The following KCNQ1 variants were observed in gnomAD, a reference collection of about 807,000 sequenced individuals.
KCNQ1 encodes the protein potassium voltage-gated channel subfamily Q member 1, also known as potassium voltage-gated channel subfamily KQT member 1.
Under a neutral mutation model 72.4 loss-of-function variants are expected in KCNQ1, and 49 were observed. The observed-to-expected ratio is 0.68, with a 90% CI of 0.54 to 0.86. The LOEUF is 0.86. Ranked by LOEUF, KCNQ1 falls within the 40% of genes least tolerant of loss-of-function variation. The pLI is 0.00. For synonymous variants in KCNQ1, 450 were observed against 412.6 expected, an observed-to-expected ratio of 1.09 and a Z score of -1.10; for missense variants, 790 against 945.1, an observed-to-expected ratio of 0.84 and a Z score of 2.15.
intron 1 of KCNQ1, among the ~76,000 whole-genome samples, chr11:2,524,162 GA>G (rs1847452195): frequency 1.3e-5 from 2 of 152,188 alleles, no homozygotes; most frequent in African/African-American, 4.8e-5. Context: ...TGAGTTGGAG[GA>G]AGAGACGGGA....
rs560827642 is a variant in KCNQ1 at position 2,482,403 on chromosome 11, A to G, written c.386+36919A>G. ...TGTTATTGAACGTAATCAACTCTCT[A>G]TTGACGGCTGGGTTATTTCCTAATT... On this transcript the variant is annotated intron_variant, in intron 1 of 15. Transcript: ENST00000155840. The surrounding 1 kb of genome is among the most constrained non-coding windows in gnomAD (Gnocchi z 5.7). 6.6e-6 allele frequency among the ~76,000 whole-genome samples: 1 copy of G among 152,250 alleles called. No homozygotes were observed. The highest frequency in any genetic ancestry group is 2.1e-4 in the South Asian group (1 of 4,824).
chr11:2,743,233 C>A (rs1240790174), intron 11 of KCNQ1, among the ~76,000 whole-genome samples: 2 of 152,014 alleles, frequency 1.3e-5, no homozygotes, highest in Non-Finnish European at 2.9e-5. Flanking sequence ...CCGTACCATG[C>A]GGGGCCCCTC....
rs1850734942 is a variant in KCNQ1 at position 2,699,418 on chromosome 11, G to A, written c.1514+37337G>A. ...CCCTCCCAGAGAGATGGGGAGGGCCGCGCTGAGGAGAGTCTGGGAGAACCG... is the reference window on the plus strand; with the variant it reads ...CCCTCCCAGAGAGATGGGGAGGGCCACGCTGAGGAGAGTCTGGGAGAACCG... On this transcript the variant is annotated intron_variant, in intron 11 of 15. Coordinates refer to ENST00000155840, the MANE Select transcript of KCNQ1 (RefSeq NM_000218.3). 2.0e-5 allele frequency: 8 copies of A among 399,794 alleles called. No individual in the cohort carries two copies. In the East Asian group the frequency reaches 2.5e-4, roughly 12 times the overall value. 24.8% of individuals were successfully genotyped at this position (399,794 alleles called of 1,614,324 possible).
intron 11 of KCNQ1, chr11:2,688,032 GCA>G (rs1850521422): frequency 5.0e-6 from 2 of 398,690 alleles, no homozygotes; most frequent in South Asian, 2.5e-4. Context: ...GCTTGGGCAG[GCA>G]CACACTCCAC....
At chr11:2,838,154 A>C (rs989849061) in intron 15 of KCNQ1, among the ~76,000 whole-genome samples, 5 of 152,220 alleles carry the variant, frequency 3.3e-5, no homozygotes, top group Admixed American at 6.5e-5. Context: ...TGAGAAGCAA[A>C]CACCACCAGT....
In KCNQ1 at chr11:2,563,461, G is replaced by A. The variant is rs1278464103; in HGVS notation, c.478-7167G>A. ...CCCACAACACCGGATACCAGCATGG[G>A]GTCGGCCTGCGGGGCCATGTGTCTC... On this transcript the variant is annotated intron_variant, in intron 2 of 15. Transcript: ENST00000155840. The surrounding 1 kb of genome is among the most constrained non-coding windows in gnomAD (Gnocchi z 7.4). Among the ~76,000 whole-genome samples the A allele has an allele frequency of 6.6e-6, 1 of 152,184 alleles. No homozygotes were observed. The highest frequency in any genetic ancestry group is 1.5e-5 in the Non-Finnish European group (1 of 68,026).
Position 2,670,122 on chromosome 11 carries a change from G to A in KCNQ1, c.1514+8041G>A, listed in dbSNP as rs562192573. ...TCTCATGGCAGTCACAGGTGCCCCA[G>A]TATGCATCTGTCATTTGTTCTTATC... On this transcript the variant is annotated intron_variant, in intron 11 of 15. Transcript: ENST00000155840. This position sits in a 1 kb window ranked among gnomAD's most constrained non-coding sequence, Gnocchi z 4.9. The A allele has an allele frequency of 5.0e-6, 2 of 398,782 alleles. No homozygotes were observed. Among genetic ancestry groups the A allele is most frequent in the South Asian group, 1.3e-4 (1 of 7,862 alleles). The allele number at this position is 398,782 out of a possible 1,614,324, so 24.7% of individuals were successfully genotyped here. A position where few individuals can be genotyped will look rare whatever the true frequency, so the allele number is the denominator to read the frequency against.
At chr11:2,656,356 G>C (rs1849848064) in intron 10 of KCNQ1, 3 of 398,510 alleles carry the variant, frequency 7.5e-6, no homozygotes, top group Non-Finnish European at 1.3e-5. Flanking sequence ...CATTCTTCAA[G>C]CCTTACAGGT....
rs1240614964 is a variant in KCNQ1 at position 2,677,392 on chromosome 11, T to C, written c.1514+15311T>C. ...TAATCAGTTGAAGAGGAAACCAAGA[T>C]CGATGCCTAGATAAGCATTTCAGAG... On this transcript the variant is annotated intron_variant, in intron 11 of 15. Coordinates refer to ENST00000155840, the MANE Select transcript of KCNQ1 (RefSeq NM_000218.3). This position sits in a 1 kb window ranked among gnomAD's most constrained non-coding sequence, Gnocchi z 4.5. 1 of 398,452 alleles carries C rather than the reference T, an allele frequency of 2.5e-6. No individual in the cohort carries two copies. Among genetic ancestry groups the C allele is most frequent in the African/African-American group, 2.1e-5 (1 of 48,616 alleles). The allele number at this position is 398,452 out of a possible 1,614,324, so 24.7% of individuals were successfully genotyped here. A position where few individuals can be genotyped will look rare whatever the true frequency, so the allele number is the denominator to read the frequency against.
At position 2,664,320 on chromosome 11, in the gene KCNQ1, T is replaced by C. The variant is rs1850023558; in HGVS notation, c.1514+2239T>C. Reference sequence around the variant, plus strand: ...GCATTGTGTTCTGGTCAGGGAAGACTCAGGGCTGAGGCTTCAGGGGAGCTG... The same window carrying C: ...GCATTGTGTTCTGGTCAGGGAAGACCCAGGGCTGAGGCTTCAGGGGAGCTG... On this transcript the variant is annotated intron_variant, in intron 11 of 15. Coordinates refer to ENST00000155840, the MANE Select transcript of KCNQ1 (RefSeq NM_000218.3). The surrounding 1 kb of genome is among the most constrained non-coding windows in gnomAD (Gnocchi z 5.1). 2.5e-6 allele frequency: 1 copy of C among 398,824 alleles called. No individual in the cohort carries two copies. The allele number at this position is 398,824 out of a possible 1,614,324, so 24.7% of individuals were successfully genotyped here.
rs535843763 is a variant in KCNQ1, at chr11:2,592,236, C to T, written c.1393+3382C>T. Among the ~76,000 whole-genome samples, 23 of 152,210 alleles carry T rather than the reference C, an allele frequency of 1.5e-4. No homozygotes were observed. The highest frequency in any genetic ancestry group is 3.1e-4 in the African/African-American group (13 of 41,456). On this transcript the variant is annotated intron_variant, in intron 10 of 15. Transcript: ENST00000155840. The surrounding 1 kb of genome is among the most constrained non-coding windows in gnomAD (Gnocchi z 5.2). ...CATTTATAGATGGAGAAACGGAAGGCCAGGGCCATGTGGGGAACTCCTGAG... is the reference window on the plus strand; with the variant it reads ...CATTTATAGATGGAGAAACGGAAGGTCAGGGCCATGTGGGGAACTCCTGAG...
At chr11:2,811,089 C>T (rs1236474676) in intron 15 of KCNQ1, among the ~76,000 whole-genome samples, 4 of 152,202 alleles carry the variant, frequency 2.6e-5, no homozygotes, top group South Asian at 2.1e-4. Context: ...CCCGGGTGGG[C>T]GTGGACCCTA....
At chr11:2,718,524 G>A (rs1851139061) in intron 11 of KCNQ1, among the ~76,000 whole-genome samples, 1 of 152,220 alleles carries the variant, frequency 6.6e-6, no homozygotes, top group East Asian at 1.9e-4. Flanking sequence ...TGGATGCAAG[G>A]CTGACTCGTA....
rs1011077828 is a variant in KCNQ1 at position 2,583,557 on chromosome 11, G to T, written c.1032+12G>T. 6.3e-7 allele frequency: 1 copy of T among 1,589,082 alleles called. No individual in the cohort carries two copies. The highest frequency in any genetic ancestry group is 8.6e-7 in the Non-Finnish European group (1 of 1,157,320). On this transcript the variant is annotated intron_variant, in intron 7 of 15. Transcript: ENST00000155840. ...TTGCGCTCCCAGCGGTAGGTGCCCC[G>T]TGGGTGCGTTTTCCCTGGCTCCTTG...
In KCNQ1 at chr11:2,544,236, A is replaced by ATG. The variant is rs1339662850; in HGVS notation, c.477+16230_477+16231dup. 3.4e-5 allele frequency among the ~76,000 whole-genome samples: 5 copies of ATG among 146,982 alleles called. No individual in the cohort carries two copies. The highest frequency in any genetic ancestry group is 5.9e-5 in the Non-Finnish European group (4 of 67,410). ...GAGATTATCTATCTCATATATATAT[A>ATG]TGTGTGTGTGTGTATATATATATGT... On this transcript the variant is annotated intron_variant, in intron 2 of 15. Transcript: ENST00000155840. This position sits in a 1 kb window ranked among gnomAD's most constrained non-coding sequence, Gnocchi z 4.4.
chr11:2,456,264 T>C (rs1846189633), intron 1 of KCNQ1, among the ~76,000 whole-genome samples: 1 of 149,634 alleles, frequency 6.7e-6, no homozygotes, highest in Admixed American at 6.7e-5. Context: ...ACCACTGCGC[T>C]CCAGCCTGGG....
At chr11:2,591,291 A>G (rs1289932638) in intron 10 of KCNQ1, among the ~76,000 whole-genome samples, 1 of 152,164 alleles carries the variant, frequency 6.6e-6, no homozygotes, top group Admixed American at 6.5e-5. Context: ...TTTCCTGGGC[A>G]TCCCATGTGG....
rs758189501 is a variant in KCNQ1 at position 2,547,425 on chromosome 11, C to T, written c.477+19407C>T. Among the ~76,000 whole-genome samples, 5 of 151,974 alleles carry T rather than the reference C, an allele frequency of 3.3e-5. No individual in the cohort carries two copies. Among genetic ancestry groups the T allele is most frequent in the Non-Finnish European group, 7.4e-5 (5 of 67,966 alleles). ...TTTTTTGTATTATTAGTAGAGACGGCGTTTCACCATTTTGGCCAGGCTGGT... is the reference window on the plus strand; with the variant it reads ...TTTTTTGTATTATTAGTAGAGACGGTGTTTCACCATTTTGGCCAGGCTGGT... On this transcript the variant is annotated intron_variant, in intron 2 of 15. Transcript: ENST00000155840. The surrounding 1 kb of genome is among the most constrained non-coding windows in gnomAD (Gnocchi z 4.2).
Position 2,486,171 on chromosome 11 carries a change from G to GT in KCNQ1, c.386+40693dup, listed in dbSNP as rs1320932311. On this transcript the variant is annotated intron_variant, in intron 1 of 15. Coordinates refer to ENST00000155840, the MANE Select transcript of KCNQ1 (RefSeq NM_000218.3). The surrounding 1 kb of genome is among the most constrained non-coding windows in gnomAD (Gnocchi z 5.0). The stretch of plus-strand genomic sequence containing the variant: ...CTCACCAACACTTGTAATTTCTGGG[G>GT]TTTTTTAATAGTAGCCATTCTAGTG... Among the ~76,000 whole-genome samples the GT allele has an allele frequency of 6.6e-6, 1 of 152,104 alleles. No homozygotes were observed. The highest frequency in any genetic ancestry group is 2.4e-5 in the African/African-American group (1 of 41,408).
Sources: allele counts gnomAD v4.1 joint callset (sites outside exome capture counted in the v4.1 genomes callset), GRCh38; gene constraint gnomAD v4.1.1; non-coding constraint Gnocchi (gnomAD v3.1); transcripts MANE v1.5; gene names NCBI Gene and HGNC (gene_info 2026-07-23, HGNC 2026-07-21).